ZER1: variants seen among roughly 807,000 people sequenced by gnomAD.
ZER1 encodes zyg-11 related cell cycle regulator, also known as protein zer-1 homolog.
ZER1 carries 11 observed loss-of-function variants against 78.8 expected under a neutral mutation model. That is an observed-to-expected ratio of 0.14 (90% CI 0.09 to 0.23). The LOEUF (loss-of-function observed/expected upper bound fraction) is 0.23, where lower values mean the gene tolerates loss of function less well. Among genes scored for constraint, ZER1 ranks in the 10% least tolerant of loss-of-function variants. The pLI is 1.00. For synonymous variants in ZER1, 400 were observed against 407.0 expected (o/e 0.98, Z 0.21); for missense variants, 588 against 996.9 (o/e 0.59, Z 5.52).
chr9:128,769,147 G>T (rs534106116), intron 1 of ZER1, among the ~76,000 whole-genome samples: 1 of 152,274 alleles, frequency 6.6e-6, no homozygotes, highest in South Asian at 2.1e-4. Flanking sequence ...CCTCTGAGGG[G>T]TGTCAAGAAG....
At chr9:128,767,358 A>G (rs773332767) in intron 1 of ZER1, among the ~76,000 whole-genome samples, 1 of 151,756 alleles carries the variant, frequency 6.6e-6, no homozygotes, top group Non-Finnish European at 1.5e-5. Flanking sequence ...GCAATCTCCC[A>G]CCTCAGCCTC....
chr9:128,743,466 G>T (rs1014264845), intron 8 of ZER1, among the ~76,000 whole-genome samples: 2 of 151,984 alleles, frequency 1.3e-5, no homozygotes, highest in African/African-American at 4.8e-5. Context: ...CTGCTACTCA[G>T]GCTGGAGCAC....
rs1863769451 is a variant in ZER1 at position 128,753,842 on chromosome 9, C to T, written c.276G>A (p.Val92=). ...LTRIHLREDL[V]QDQDLEAIRK... ...GGATGGCCTCCAGGTCCTGGTCCTG[C>T]ACCAGGTCCTCACGGAGGTGGATCC... is the stretch of plus-strand genomic sequence containing the variant. Residue 92 remains valine, a synonymous_variant, in exon 3 of 16, where the codon GTG becomes GTA. Coordinates refer to ENST00000291900, the MANE Select transcript of ZER1 (RefSeq NM_006336.4). This position sits in a 1 kb window ranked among gnomAD's most constrained non-coding sequence, Gnocchi z 7.5. 6.2e-7 allele frequency: 1 copy of T among 1,601,870 alleles called. No individual in the cohort carries two copies. The highest frequency in any genetic ancestry group is 8.5e-7 in the Non-Finnish European group (1 of 1,175,042).
At chr9:128,739,833 A>G (rs2298044) in intron 13 of ZER1, 98 bp downstream of exon 13, 1,418,871 of 1,423,428 alleles carry the variant, frequency 1, 707,206 homozygotes, top group South Asian at 1. Context: ...GACCAGAAGG[A>G]AGGTGGGAGC....
rs767209660 is a variant in ZER1, at chr9:128,751,492, C to T, written c.959G>A (p.Arg320Gln). 23 of 1,613,954 alleles carry T rather than the reference C, an allele frequency of 1.4e-5. No homozygotes were observed. The highest frequency in any genetic ancestry group is 1.7e-5 in the Non-Finnish European group (20 of 1,180,010). Residue 320 changes from arginine (R) to glutamine (Q), a missense_variant, in exon 6 of 16, where the codon CGG becomes CAG. Around this residue, in one of 3 missense-constraint regions of ZER1, gnomAD observed 406 missense variants for 660.1 expected, o/e 0.62. Coordinates refer to ENST00000291900, the MANE Select transcript of ZER1 (RefSeq NM_006336.4). The surrounding 1 kb of genome is among the most constrained non-coding windows in gnomAD (Gnocchi z 5.4). ...GAACTGCAGCGGCCTCTTCAGAGCC[C>T]GGAAAGGTATGATGCTGCTCTTGGA... ...EPSKSSIIPF[R>Q]ALKRPLQFLG...
chr9:128,752,575 C>T lies in ZER1; in HGVS notation c.923+98G>A, dbSNP rs547228547. The T allele has an allele frequency of 2.2e-6, 3 of 1,356,138 alleles. No homozygotes were observed. In the South Asian group the frequency reaches 4.5e-5, roughly 20 times the overall value. 84.0% of individuals were successfully genotyped at this position (1,356,138 alleles called of 1,614,324 possible). A position where few individuals can be genotyped will look rare whatever the true frequency, so the allele number is the denominator to read the frequency against. ...GCCTCAAGTGATCCGCCCATCTTGG[C>T]TTCCCAAAGTGCTGGGATTACAGGC... On this transcript the variant is annotated intron_variant, in intron 5 of 15. Coordinates refer to ENST00000291900, the MANE Select transcript of ZER1 (RefSeq NM_006336.4).
intron 1 of ZER1, among the ~76,000 whole-genome samples, chr9:128,760,404 G>A (rs577929929): frequency 1.1e-4 from 17 of 151,974 alleles, no homozygotes; most frequent in South Asian, 2.1e-4. Flanking sequence ...GGGTTTAACC[G>A]TGTTAGCCAG....
At chr9:128,738,145 C>T (rs572590576) in intron 13 of ZER1, among the ~76,000 whole-genome samples, 3 of 148,916 alleles carry the variant, frequency 2.0e-5, no homozygotes, top group African/African-American at 2.5e-5. Flanking sequence ...CCCAGGTTCA[C>T]GCCATTCTCC....
chr9:128,758,078 G>A (rs1348772066), intron 1 of ZER1, among the ~76,000 whole-genome samples: 1 of 151,460 alleles, frequency 6.6e-6, no homozygotes, highest in African/African-American at 2.4e-5. Context: ...TTAACAGCTT[G>A]GATAAGGCTT....
At chr9:128,750,813 G>A (rs1225260176) in intron 7 of ZER1, 24 bp from the exon 8 acceptor site, 1 of 1,613,618 alleles carries the variant, frequency 6.2e-7, no homozygotes, top group Admixed American at 1.7e-5. Context: ...AGGGGGACCT[G>A]GGCTGGCAAG....
chr9:128,770,389 C>G (rs968384812), intron 1 of ZER1, among the ~76,000 whole-genome samples: 1 of 152,132 alleles, frequency 6.6e-6, no homozygotes, highest in African/African-American at 2.4e-5. Flanking sequence ...CTCAGCCTCC[C>G]AAAGTGCTGG....
intron 1 of ZER1, among the ~76,000 whole-genome samples, chr9:128,769,391 A>ATTTTC (rs1029904581): frequency 6.7e-6 from 1 of 148,518 alleles, no homozygotes; most frequent in Admixed American, 6.7e-5. Flanking sequence ...CAACAGCCCT[A>ATTTTC]TTTTCTTTTC....
chr9:128,769,650 G>T (rs1432374849), intron 1 of ZER1, among the ~76,000 whole-genome samples: 1 of 152,014 alleles, frequency 6.6e-6, no homozygotes, highest in Non-Finnish European at 1.5e-5. Flanking sequence ...CTGACCTCAG[G>T]TGATCCACCT....
chr9:128,738,135 C>G (rs962304509), intron 13 of ZER1, among the ~76,000 whole-genome samples: 1 of 149,144 alleles, frequency 6.7e-6, no homozygotes, highest in African/African-American at 2.5e-5. Context: ...AGCTCCGCCT[C>G]CCAGGTTCAC....
At position 128,753,630 on chromosome 9, in the gene ZER1, A is replaced by G. The variant is rs1433572130; in HGVS notation, c.310-30T>C. Reference sequence around the variant, plus strand: ...GAGTGGGCACAGCTCCATCATCATCACCACCCTTGCCCCTTCCCCCGGCCC... The same window carrying G: ...GAGTGGGCACAGCTCCATCATCATCGCCACCCTTGCCCCTTCCCCCGGCCC... On this transcript the variant is annotated intron_variant, in intron 3 of 15. Transcript: ENST00000291900. The surrounding 1 kb of genome is among the most constrained non-coding windows in gnomAD (Gnocchi z 7.5). 1.9e-6 allele frequency: 3 copies of G among 1,605,368 alleles called. No individual in the cohort carries two copies. Among genetic ancestry groups the G allele is most frequent in the African/African-American group, 1.3e-5 (1 of 74,810 alleles).
intron 1 of ZER1, among the ~76,000 whole-genome samples, chr9:128,758,121 G>GTTT (rs1166926419): frequency 1.5e-5 from 2 of 137,494 alleles, no homozygotes; most frequent in African/African-American, 2.7e-5. Context: ...TTTAGTTTAG[G>GTTT]TTTTTTTTTT....
At chr9:128,770,488 A>G (rs1401790331) in intron 1 of ZER1, among the ~76,000 whole-genome samples, 2 of 152,158 alleles carry the variant, frequency 1.3e-5, no homozygotes, top group Non-Finnish European at 2.9e-5. Flanking sequence ...ATGCTCTGCC[A>G]CAAGAGAACT....
intron 1 of ZER1, among the ~76,000 whole-genome samples, chr9:128,765,549 T>C (rs964840647): frequency 2.6e-5 from 4 of 152,154 alleles, no homozygotes; most frequent in African/African-American, 9.6e-5. Flanking sequence ...AAAGAGAAAC[T>C]GAAGTCTGGA....
intron 7 of ZER1, 126 bp from the exon 8 acceptor site, chr9:128,750,915 G>T: frequency 1.0e-5 from 15 of 1,447,558 alleles, no homozygotes; most frequent in African/African-American, 1.4e-5. Context: ...CAGAAGTGGG[G>T]CCTGGGGAGC....
Sources: allele counts gnomAD v4.1 joint callset (sites outside exome capture counted in the v4.1 genomes callset), GRCh38; gene constraint gnomAD v4.1.1; regional missense constraint gnomAD v4.1.1; non-coding constraint Gnocchi (gnomAD v3.1); transcripts MANE v1.5; gene names NCBI Gene and HGNC (gene_info 2026-07-23, HGNC 2026-07-21).